CDHR1: variants seen among roughly 807,000 people sequenced by gnomAD.
The protein encoded by CDHR1 is cadherin related family member 1.
In CDHR1, 61 loss-of-function variants were observed where a neutral mutation model predicts 72.1. The ratio of observed to expected loss-of-function variants is 0.85; its 90% CI spans 0.69 to 1.05. The LOEUF (loss-of-function observed/expected upper bound fraction) is 1.05, where lower values mean the gene tolerates loss of function less well. CDHR1 is among the 50% of genes least tolerant of loss of function. The pLI, the probability that CDHR1 is intolerant of heterozygous loss-of-function variation, is 0.00. For synonymous variants in CDHR1, 470 were observed against 448.1 expected (o/e 1.05, Z -0.62); for missense variants, 1,186 against 1,115.7 (o/e 1.06, Z -0.90).
chr10:84,217,727 A>C lies in CDHR1; in HGVS notation c.*3106A>C. On this transcript the variant is annotated 3_prime_UTR_variant, in exon 17 of 17. Coordinates refer to ENST00000623527, the MANE Select transcript of CDHR1 (RefSeq NM_033100.4). ...CTCACCCCCCAGGATGTTTCCACCCACCTGTAGGTCCAGAAGCTTTTACTT... is the reference window on the plus strand; with the variant it reads ...CTCACCCCCCAGGATGTTTCCACCCCCCTGTAGGTCCAGAAGCTTTTACTT... 3 of 985,322 alleles carry C rather than the reference A, an allele frequency of 3.0e-6. No homozygotes were observed. The highest frequency in any genetic ancestry group is 3.6e-6 in the Non-Finnish European group (3 of 829,942). 61.0% of individuals were successfully genotyped at this position (985,322 alleles called of 1,614,324 possible).
intron 13 of CDHR1, among the ~76,000 whole-genome samples, 159 bp downstream of exon 13, chr10:84,211,324 A>G (rs1462613987): frequency 6.6e-6 from 1 of 152,232 alleles, no homozygotes; most frequent in Non-Finnish European, 1.5e-5. Flanking sequence ...CTTCATCCAT[A>G]TGATGGGTAT....
chr10:84,199,971 G>A (rs1488043590), intron 5 of CDHR1, among the ~76,000 whole-genome samples: 2 of 152,148 alleles, frequency 1.3e-5, no homozygotes, highest in African/African-American at 2.4e-5. Context: ...TCAGGAGTTC[G>A]AGACCAGCCT....
chr10:84,208,473 T>C (rs1418866142), intron 11 of CDHR1, 96 bp downstream of exon 11: 37 of 1,341,082 alleles, frequency 2.8e-5, no homozygotes, highest in Non-Finnish European at 3.9e-5. Context: ...TCTGCGTATG[T>C]AGCCGGGACC....
chr10:84,217,866 G>A lies in CDHR1; in HGVS notation c.*3245G>A. 1 of 985,474 alleles carries A rather than the reference G, an allele frequency of 1.0e-6. No homozygotes were observed. The highest frequency in any genetic ancestry group is 5.2e-4 in the Middle Eastern group (1 of 1,914). 61.0% of individuals were successfully genotyped at this position (985,474 alleles called of 1,614,324 possible). A position where few individuals can be genotyped will look rare whatever the true frequency, so the allele number is the denominator to read the frequency against. On this transcript the variant is annotated 3_prime_UTR_variant, in exon 17 of 17. Coordinates refer to ENST00000623527, the MANE Select transcript of CDHR1 (RefSeq NM_033100.4). ...CCTGCATTTGGGCGTTGACATTCCA[G>A]GGGAGTTAGGAACAATGAGAGGTCT...
intron 4 of CDHR1, 91 bp downstream of exon 4, chr10:84,197,927 G>A: frequency 7.9e-7 from 1 of 1,257,972 alleles, no homozygotes; most frequent in East Asian, 2.4e-5. Context: ...AAGCCTTCAT[G>A]GGGGCTTTTC....
At position 84,203,079 on chromosome 10, in the gene CDHR1, G is replaced by A. The variant is rs184579670; in HGVS notation, c.739G>A (p.Val247Met). Residue 247 changes from valine (V) to methionine (M), a missense_variant, in exon 8 of 17, where the codon GTG (valine) becomes ATG (methionine). Transcript: ENST00000623527. The part of the protein sequence containing the change: ...EDVQDMAPVF[V>M]GTPYYGYVYE... ...TGTTCAGGACATGGCCCCTGTCTTC[G>A]TGGGCACACCCTACTATGGCTATGT... 88 of 1,614,076 alleles carry A rather than the reference G, an allele frequency of 5.5e-5. No individual in the cohort carries two copies. Among genetic ancestry groups the A allele is most frequent in the South Asian group, 3.8e-4 (35 of 91,092 alleles).
rs780115861 is a variant in CDHR1, at chr10:84,196,488, A to T, written c.152-17A>T. On this transcript the variant is annotated splice_polypyrimidine_tract_variant and intron_variant, in intron 2 of 16. Coordinates refer to ENST00000623527, the MANE Select transcript of CDHR1 (RefSeq NM_033100.4). ...TGGGTCTCAGATTCTATGTCTCTCC[A>T]CTGTGTTTCCTTCCAGGCTCTCACG... 2 of 1,614,136 alleles carry T rather than the reference A, an allele frequency of 1.2e-6. No homozygotes were observed. The highest frequency in any genetic ancestry group is 4.5e-5 in the East Asian group (2 of 44,884).
chr10:84,213,204 G>A lies in CDHR1; in HGVS notation c.1896G>A (p.Lys632=), dbSNP rs1478335790. Reference sequence around the variant, plus strand: ...CCCACACGGGGGAGATCTGGCTCAAGAATTCCATCCGCTCCCTGGATGCCC... The same window carrying A: ...CCCACACGGGGGAGATCTGGCTCAAAAATTCCATCCGCTCCCTGGATGCCC... ...INSHTGEIWL[K]NSIRSLDALH... The change falls in exon 16 of 17, where the codon AAG becomes AAA. Residue 632 remains lysine, a synonymous_variant. Transcript: ENST00000623527. 10 of 1,614,136 alleles carry A rather than the reference G, an allele frequency of 6.2e-6. No homozygotes were observed. In the East Asian group the frequency reaches 1.3e-4, roughly 22 times the overall value.
intron 15 of CDHR1, chr10:84,212,872 G>T (rs1842360332): frequency 4.8e-6 from 3 of 625,936 alleles, no homozygotes; most frequent in African/African-American, 3.7e-5. Context: ...TCCTAGACTT[G>T]TTCTGATAAT....
At chr10:84,202,399 GCTT>G (rs921218743) in intron 7 of CDHR1, among the ~76,000 whole-genome samples, 3 of 152,190 alleles carry the variant, frequency 2.0e-5, no homozygotes, top group African/African-American at 7.2e-5. Context: ...GCCCACCAAA[GCTT>G]CTTCCCCCAC....
Position 84,211,678 on chromosome 10 carries a change from G to A in CDHR1, c.1516G>A (p.Glu506Lys), listed in dbSNP as rs547812313. The change falls in exon 14 of 17, where the codon GAA becomes AAA. Residue 506 changes from glutamate to lysine, a missense_variant. By Grantham distance (56) the Glu-to-Lys change is moderately conservative. Coordinates refer to ENST00000623527, the MANE Select transcript of CDHR1 (RefSeq NM_033100.4). ...GGATCCAGATACAGGACCCTGGGGCGAAGTGAAATATTCCACCTATGGGAC... is the reference window on the plus strand; with the variant it reads ...GGATCCAGATACAGGACCCTGGGGCAAAGTGAAATATTCCACCTATGGGAC... Reference protein sequence around the residue: ...AVDPDTGPWGEVKYSTYGTGA... With the variant: ...AVDPDTGPWGKVKYSTYGTGA... The A allele has an allele frequency of 4.2e-5, 67 of 1,614,172 alleles. No individual in the cohort carries two copies. Among genetic ancestry groups the A allele is most frequent in the South Asian group, 2.5e-4 (23 of 91,084 alleles).
chr10:84,208,885 G>C lies in CDHR1; in HGVS notation c.1320+4G>C, dbSNP rs370677921. ...GTCCAAAGTATTAACCTTCAAGGTAGGTGGTGCCCTGAATTCACTGCCCTG... is the reference window on the plus strand; with the variant it reads ...GTCCAAAGTATTAACCTTCAAGGTACGTGGTGCCCTGAATTCACTGCCCTG... On this transcript the variant is annotated splice_donor_region_variant and intron_variant, in intron 12 of 16. Coordinates refer to ENST00000623527, the MANE Select transcript of CDHR1 (RefSeq NM_033100.4). The C allele has an allele frequency of 8.2e-5, 132 of 1,613,424 alleles. No homozygotes were observed. The African/African-American group carries it at 1.5e-3, about 18-fold the overall frequency.
rs546364564 is a variant in CDHR1, at chr10:84,202,693, C to T, written c.640-287C>T. 2.6e-5 allele frequency among the ~76,000 whole-genome samples: 4 copies of T among 152,334 alleles called. No individual in the cohort carries two copies. The South Asian group carries it at 6.2e-4, about 24-fold the overall frequency. On this transcript the variant is annotated intron_variant, in intron 7 of 16. Coordinates refer to ENST00000623527, the MANE Select transcript of CDHR1 (RefSeq NM_033100.4). ...GAGGTGCTTGAGGCTTGGTTTCTGGCTGGGAGGGGGAATTTAGCTCTGAAT... is the reference window on the plus strand; with the variant it reads ...GAGGTGCTTGAGGCTTGGTTTCTGGTTGGGAGGGGGAATTTAGCTCTGAAT...
In CDHR1 at chr10:84,217,198, G is replaced by C. The variant is rs886047349; in HGVS notation, c.*2577G>C. On this transcript the variant is annotated 3_prime_UTR_variant, in exon 17 of 17. Coordinates refer to ENST00000623527, the MANE Select transcript of CDHR1 (RefSeq NM_033100.4). The stretch of plus-strand genomic sequence containing the variant: ...CTGTGTTACGAATGGTGGGCCAAGG[G>C]GCTGTCTGCTAGGTCCCAGTAGGAC... The C allele has an allele frequency of 2.7e-5, 27 of 985,528 alleles. 1 individual carries two copies. In the South Asian group the frequency reaches 7.0e-4, roughly 26 times the overall value. The allele number at this position is 985,528 out of a possible 1,614,324, so 61.0% of individuals were successfully genotyped here. A position where few individuals can be genotyped will look rare whatever the true frequency, so the allele number is the denominator to read the frequency against.
At position 84,194,908 on chromosome 10, in the gene CDHR1, C is replaced by A. The variant is rs1488186183; in HGVS notation, c.55+93C>A. The A allele has an allele frequency of 4.0e-6, 5 of 1,237,002 alleles. No individual in the cohort carries two copies. The Admixed American group carries it at 7.9e-5, about 20-fold the overall frequency. The allele number at this position is 1,237,002 out of a possible 1,614,324, so 76.6% of individuals were successfully genotyped here. ...TGGCCAGAGGGACATGGTCCTGGAC[C>A]ACTTCCAGAGTGGGACTCGGGCTGG... is the stretch of plus-strand genomic sequence containing the variant. On this transcript the variant is annotated intron_variant, in intron 1 of 16. Transcript: ENST00000623527.
Position 84,212,346 on chromosome 10 carries a change from C to T in CDHR1, c.1721C>T (p.Pro574Leu), listed in dbSNP as rs768778466. ...ITLLDVNDHP[P>L]QFGKSVQKKT... ...CTGCTGGATGTCAATGACCACCCCC[C>T]TCAGTTTGGAAAGAGCGTTCAGAAG... Residue 574 changes from proline to leucine, a missense_variant, in exon 15 of 17, where the codon CCT becomes CTT. By Grantham distance (98) the Pro-to-Leu change is moderately conservative. Coordinates refer to ENST00000623527, the MANE Select transcript of CDHR1 (RefSeq NM_033100.4). 4 of 1,614,106 alleles carry T rather than the reference C, an allele frequency of 2.5e-6. No homozygotes were observed. Among genetic ancestry groups the T allele is most frequent in the Non-Finnish European group, 3.4e-6 (4 of 1,180,054 alleles).
chr10:84,209,408 C>A (rs937952152), intron 12 of CDHR1, among the ~76,000 whole-genome samples: 1 of 152,106 alleles, frequency 6.6e-6, no homozygotes, highest in Admixed American at 6.5e-5. Flanking sequence ...ACATACTCTC[C>A]TATAGCCTGC....
At chr10:84,205,514 T>TCACACACACACACA (rs33921515) in intron 9 of CDHR1, among the ~76,000 whole-genome samples, 1,859 of 145,074 alleles carry the variant, frequency 0.013, 39 homozygotes, top group Admixed American at 0.041. Context: ...TCTCTTTTCT[T>TCACACACACACACA]CACACACACA....
At position 84,202,253 on chromosome 10, in the gene CDHR1, C is replaced by G. The variant is rs1008290570; in HGVS notation, c.639+333C>G. Among the ~76,000 whole-genome samples, 14 of 152,302 alleles carry G rather than the reference C, an allele frequency of 9.2e-5. No homozygotes were observed. In the South Asian group the frequency reaches 2.9e-3, roughly 32 times the overall value. ...CTCCCTCTCGCTGGCCAGGCTTGCT[C>G]ACCCACCTCCTCCTCTCTGTGTGCC... On this transcript the variant is annotated intron_variant, in intron 7 of 16. Transcript: ENST00000623527.
Sources: gnomAD v4.1 joint callset for allele counts (sites outside exome capture counted in the v4.1 genomes callset) on GRCh38, gnomAD v4.1.1 for gene constraint, MANE v1.5 for transcripts, NCBI Gene and HGNC (gene_info 2026-07-23, HGNC 2026-07-21) for gene names.